Variants in C12orf42 observed in about 807,000 individuals in gnomAD.
The protein encoded by C12orf42 is uncharacterized protein C12orf42.
A neutral mutation model predicts 21.6 loss-of-function variants in C12orf42; 25 were observed. The observed-to-expected ratio is 1.16, with a 90% confidence interval of 0.84 to 1.62. The LOEUF (loss-of-function observed/expected upper bound fraction) is 1.62, where lower values mean the gene tolerates loss of function less well. Among genes scored for constraint, C12orf42 ranks in the 40% most tolerant of loss-of-function variants. C12orf42 has a pLI of 0.00. For missense variants in C12orf42, 483 were observed against 459.3 expected, an observed-to-expected ratio of 1.05 and a Z score of -0.47; for synonymous variants, 174 against 175.0, an observed-to-expected ratio of 0.99 and a Z score of 0.05.
At chr12:103,384,638 C>T (rs1162913902) in intron 3 of C12orf42, among the ~76,000 whole-genome samples, 1 of 152,134 alleles carries the variant, frequency 6.6e-6, no homozygotes, top group Non-Finnish European at 1.5e-5. Flanking sequence ...AACATGCATA[C>T]ATCAAAGAAA....
At chr12:103,173,930 A>T in the C12orf42 span, among the ~76,000 whole-genome samples, 1 of 152,162 alleles carries the variant, frequency 6.6e-6, no homozygotes, top group African/African-American at 2.4e-5. Flanking sequence ...AGGACATCTT[A>T]TCTGCATTCC....
the C12orf42 span, among the ~76,000 whole-genome samples, chr12:103,078,035 C>CA: frequency 3.3e-5 from 5 of 151,750 alleles, no homozygotes; most frequent in East Asian, 1.9e-4. Flanking sequence ...GGATTAAGGC[C>CA]AAAAAAAATC....
At chr12:103,059,359 C>A in the C12orf42 span, among the ~76,000 whole-genome samples, 1 of 152,112 alleles carries the variant, frequency 6.6e-6, no homozygotes. Context: ...AATAAAAGCC[C>A]AGGACCAGAT....
rs1382495092 is a variant in C12orf42, at chr12:103,401,602, C to T, written c.147+5G>A. 7.4e-6 allele frequency: 12 copies of T among 1,613,656 alleles called. No individual in the cohort carries two copies. Among genetic ancestry groups the T allele is most frequent in the Non-Finnish European group, 8.5e-7 (1 of 1,179,586 alleles). On this transcript the variant is annotated splice_donor_5th_base_variant and intron_variant, in intron 3 of 5. Coordinates refer to ENST00000548883, the MANE Select transcript of C12orf42 (RefSeq NM_198521.5). ...AGCCCTGCACATAACATTCCGCTGACTCACCTTTGCACTGGGTGTGCTTCT... is the reference window on the plus strand; with the variant it reads ...AGCCCTGCACATAACATTCCGCTGATTCACCTTTGCACTGGGTGTGCTTCT...
At chr12:103,413,067 T>A (rs182355323) in intron 2 of C12orf42, among the ~76,000 whole-genome samples, 23 of 152,334 alleles carry the variant, frequency 1.5e-4, no homozygotes, top group Non-Finnish European at 3.1e-4. Flanking sequence ...TCCTAAGTTG[T>A]CTTCTGGATT....
the C12orf42 span, among the ~76,000 whole-genome samples, chr12:103,083,143 T>A: frequency 6.6e-6 from 1 of 152,118 alleles, no homozygotes; most frequent in Admixed American, 6.5e-5. Flanking sequence ...GGCGGGTGGA[T>A]CATCTGTGGT....
the C12orf42 span, among the ~76,000 whole-genome samples, chr12:103,114,120 G>T: frequency 6.6e-6 from 1 of 151,790 alleles, no homozygotes; most frequent in Non-Finnish European, 1.5e-5. Context: ...ACTAGTAATT[G>T]TTCTTTCCCT....
At chr12:103,288,650 C>A (rs2036615195) in intron 4 of C12orf42, among the ~76,000 whole-genome samples, 1 of 152,132 alleles carries the variant, frequency 6.6e-6, no homozygotes, top group African/African-American at 2.4e-5. Flanking sequence ...AAACCACATG[C>A]CACTATGTTA....
chr12:103,281,953 AAGAAAG>A (rs1452377840), intron 4 of C12orf42, among the ~76,000 whole-genome samples: 2 of 150,716 alleles, frequency 1.3e-5, no homozygotes, highest in South Asian at 2.1e-4. Context: ...GAAAGAAAGA[AAGAAAG>A]AAAGAGATCG....
rs112447460 is a variant in C12orf42 at position 103,311,012 on chromosome 12, A to G, written c.260-4667T>C. On this transcript the variant is annotated intron_variant, in intron 4 of 5. Transcript: ENST00000548883. ...TATACACTTTCGCATTCCAGGAGTT[A>G]TGGGTTGAAAGAGACCTTAAAGGTC... 1.6e-3 allele frequency among the ~76,000 whole-genome samples: 239 copies of G among 152,304 alleles called. 1 individual carries two copies. The highest frequency in any genetic ancestry group is 5.0e-3 in the African/African-American group (208 of 41,564).
At chr12:103,213,351 A>G in the C12orf42 span, among the ~76,000 whole-genome samples, 1 of 152,322 alleles carries the variant, frequency 6.6e-6, no homozygotes, top group South Asian at 2.1e-4. Flanking sequence ...GATCCTACTC[A>G]AGATTATCAT....
chr12:103,137,461 T>TA, the C12orf42 span, among the ~76,000 whole-genome samples: 1,711 of 151,294 alleles, frequency 0.011, 17 homozygotes, highest in African/African-American at 0.024. Flanking sequence ...GTAAGATTTC[T>TA]AAAAAAAAAC....
chr12:103,286,475 T>A (rs960344626), intron 4 of C12orf42, among the ~76,000 whole-genome samples: 1 of 151,472 alleles, frequency 6.6e-6, no homozygotes, highest in Admixed American at 6.6e-5. Flanking sequence ...TTTTCATATA[T>A]AAAATAATAT....
At chr12:103,369,857 A>G (rs958517547) in intron 3 of C12orf42, among the ~76,000 whole-genome samples, 24 of 152,306 alleles carry the variant, frequency 1.6e-4, no homozygotes, top group South Asian at 1.2e-3. Flanking sequence ...AGCAATTGCA[A>G]CAAAAACAAA....
At chr12:103,519,705 G>C in the C12orf42 span, among the ~76,000 whole-genome samples, 1 of 152,020 alleles carries the variant, frequency 6.6e-6, no homozygotes, top group African/African-American at 2.4e-5. Context: ...TCATTTTCAT[G>C]GTCCTAGGAA....
intron 3 of C12orf42, among the ~76,000 whole-genome samples, chr12:103,371,668 C>G (rs2045252881): frequency 6.6e-6 from 1 of 152,054 alleles, no homozygotes. Context: ...TTTTTCCTGA[C>G]TTGGTTAGAG....
chr12:103,167,494 C>T, the C12orf42 span, among the ~76,000 whole-genome samples: 4,625 of 152,224 alleles, frequency 0.03, 75 homozygotes, highest in African/African-American at 0.044. Flanking sequence ...ATTGAACTCA[C>T]TGAAGCCCCG....
At chr12:103,268,756 T>C (rs565122180) in exon 7 of C12orf42, 20 of 152,140 alleles carry the variant, frequency 1.3e-4, no homozygotes, top group Non-Finnish European at 2.8e-4. Flanking sequence ...AAGGTTTGAT[T>C]ATATTAACAA....
the C12orf42 span, among the ~76,000 whole-genome samples, chr12:103,170,985 T>C: frequency 6.6e-6 from 1 of 152,116 alleles, no homozygotes; most frequent in Non-Finnish European, 1.5e-5. Context: ...CCTATACTCA[T>C]CCCATTATGT....
Sources: gnomAD v4.1 joint callset for allele counts (sites outside exome capture counted in the v4.1 genomes callset) on GRCh38, gnomAD v4.1.1 for gene constraint, MANE v1.5 for transcripts, NCBI Gene and HGNC (gene_info 2026-07-23, HGNC 2026-07-21) for gene names.